The following KCNH8 variants were observed in gnomAD, a reference collection of about 807,000 sequenced individuals.
KCNH8 encodes voltage-gated delayed rectifier potassium channel KCNH8.
A neutral mutation model predicts 103.6 loss-of-function variants in KCNH8; 70 were observed. The ratio of observed to expected loss-of-function variants is 0.68; its 90% CI spans 0.56 to 0.82. The LOEUF (loss-of-function observed/expected upper bound fraction) is 0.82. Among genes scored for constraint, KCNH8 ranks in the 40% least tolerant of loss-of-function variants. KCNH8 has a pLI of 0.00. For synonymous variants in KCNH8, 498 were observed against 489.4 expected (o/e 1.02, Z -0.23); for missense variants, 1,217 against 1,329.9 (o/e 0.92, Z 1.32).
At chr3:19,312,676 A>G (rs541462462) in intron 3 of KCNH8, among the ~76,000 whole-genome samples, 1 of 151,976 alleles carries the variant, frequency 6.6e-6, no homozygotes, top group Non-Finnish European at 1.5e-5. Context: ...ATCTTGATCT[A>G]TATGGCTCTT....
chr3:19,533,339 GTGGTCAC>G, intron 15 of KCNH8, 49 bp from the exon 16 acceptor site: 1 of 1,019,652 alleles, frequency 9.8e-7, no homozygotes, highest in South Asian at 1.4e-5. Context: ...TCTCTGAAAT[GTGGTCAC>G]TACTATGCAC....
rs756494062 is a variant in KCNH8, at chr3:19,347,839, T to C, written c.685T>C (p.Leu229=). The change falls in exon 5 of 16, where the codon TTG becomes CTG. Residue 229 remains leucine (L), a synonymous_variant. Coordinates refer to ENST00000328405, the MANE Select transcript of KCNH8 (RefSeq NM_144633.3). The part of the protein sequence containing the change: ...TFKAGWDWLI[L]LATFYVAVTV... ...TAAAGCTGGCTGGGACTGGCTTATT[T>C]TGTTGGCAACGTTTTATGTTGCTGT... 2.5e-6 allele frequency: 4 copies of C among 1,613,426 alleles called. No homozygotes were observed. The highest frequency in any genetic ancestry group is 3.4e-6 in the Non-Finnish European group (4 of 1,179,506).
chr3:19,206,885 C>G (rs1323415095), intron 1 of KCNH8, among the ~76,000 whole-genome samples: 1 of 151,838 alleles, frequency 6.6e-6, no homozygotes, highest in Non-Finnish European at 1.5e-5. Context: ...TTGAGAGATA[C>G]TGGGATGGAA....
intron 10 of KCNH8, among the ~76,000 whole-genome samples, chr3:19,455,512 C>T (rs1044183268): frequency 2.6e-5 from 4 of 151,814 alleles, no homozygotes; most frequent in African/African-American, 9.7e-5. Flanking sequence ...ATACTGAGAC[C>T]CAAAGTTACT....
intron 5 of KCNH8, among the ~76,000 whole-genome samples, chr3:19,361,482 T>C (rs2065946318): frequency 6.6e-6 from 1 of 152,134 alleles, no homozygotes; most frequent in African/African-American, 2.4e-5. Context: ...ATGCTGTATT[T>C]TGAGGTTATT....
At chr3:19,514,287 A>C (rs2068836607) in intron 13 of KCNH8, among the ~76,000 whole-genome samples, 1 of 152,050 alleles carries the variant, frequency 6.6e-6, no homozygotes, top group African/African-American at 2.4e-5. Context: ...TAAAATATTA[A>C]GGAAAAGATA....
chr3:19,199,277 A>G (rs1323926465), intron 1 of KCNH8, among the ~76,000 whole-genome samples: 1 of 152,160 alleles, frequency 6.6e-6, no homozygotes, highest in East Asian at 1.9e-4. Context: ...CTTTTAGAAC[A>G]GTAAGTTCCA....
chr3:19,375,523 G>A (rs1194678416), intron 5 of KCNH8, among the ~76,000 whole-genome samples: 3 of 149,288 alleles, frequency 2.0e-5, no homozygotes, highest in African/African-American at 7.4e-5. Context: ...TTTTTTCAAA[G>A]TTTTCAACTT....
At chr3:19,449,018 G>A (rs1264016879) in intron 8 of KCNH8, 2 of 1,251,724 alleles carry the variant, frequency 1.6e-6, no homozygotes, top group African/African-American at 1.5e-5. Context: ...ACTAGTGAGT[G>A]CAAAATCCTG....
At chr3:19,270,461 A>G (rs1388111590) in intron 2 of KCNH8, among the ~76,000 whole-genome samples, 1 of 152,170 alleles carries the variant, frequency 6.6e-6, no homozygotes, top group Admixed American at 6.6e-5. Context: ...TTTTTCACAA[A>G]ACGATTTCTG....
In KCNH8 at chr3:19,438,165, T is replaced by A; in HGVS notation, c.1179T>A (p.Gly393=). 1.2e-6 allele frequency: 2 copies of A among 1,613,748 alleles called. No homozygotes were observed. Among genetic ancestry groups the A allele is most frequent in the Non-Finnish European group, 1.7e-6 (2 of 1,179,684 alleles). Residue 393 remains glycine, a splice_region_variant and synonymous_variant, in exon 8 of 16, where the codon GGT becomes GGA. Transcript: ENST00000328405. ...TTTGCTTTATTTCCTCCTTTGCAGGTTGGCTTCATGAGTTGGGAAAGAGAC... is the reference window on the plus strand; with the variant it reads ...TTTGCTTTATTTCCTCCTTTGCAGGATGGCTTCATGAGTTGGGAAAGAGAC... The part of the protein sequence containing the change: ...EDNSLLKWEV[G]WLHELGKRLE...
rs184110200 is a variant in KCNH8 at position 19,153,964 on chromosome 3, C to T, written c.76+5169C>T. On this transcript the variant is annotated intron_variant, in intron 1 of 15. Transcript: ENST00000328405. ...TTTTCTAATAATATTCAATGAATAC[C>T]AACTTTACACAAAGCCATCATGCTA... Among the ~76,000 whole-genome samples the T allele has an allele frequency of 2.7e-3, 407 of 152,166 alleles. 1 individual carries two copies. The highest frequency in any genetic ancestry group is 4.5e-3 in the Non-Finnish European group (304 of 67,982).
intron 1 of KCNH8, among the ~76,000 whole-genome samples, chr3:19,241,127 G>A (rs529061819): frequency 4.6e-5 from 7 of 152,102 alleles, no homozygotes; most frequent in African/African-American, 1.4e-4. Context: ...GTCTGTTTGC[G>A]TTTGTCTTTT....
chr3:19,158,548 A>G (rs2063203355), intron 1 of KCNH8, among the ~76,000 whole-genome samples: 1 of 151,880 alleles, frequency 6.6e-6, no homozygotes, highest in African/African-American at 2.4e-5. Flanking sequence ...TTGAACATTC[A>G]TATTCAAAAA....
intron 3 of KCNH8, among the ~76,000 whole-genome samples, chr3:19,311,247 T>C (rs964336403): frequency 2.0e-5 from 3 of 151,822 alleles, no homozygotes; most frequent in Non-Finnish European, 4.4e-5. Flanking sequence ...CTAAGTACTT[T>C]ATGGTTTTTA....
intron 5 of KCNH8, among the ~76,000 whole-genome samples, chr3:19,355,990 C>A (rs1383596654): frequency 1.3e-5 from 2 of 151,454 alleles, no homozygotes; most frequent in Admixed American, 1.3e-4. Flanking sequence ...AATTTGGCAT[C>A]TTATAATCAA....
intron 1 of KCNH8, among the ~76,000 whole-genome samples, chr3:19,151,207 T>G (rs2063125977): frequency 1.3e-5 from 2 of 152,162 alleles, no homozygotes; most frequent in Non-Finnish European, 2.9e-5. Context: ...TCTCTGAAAC[T>G]ATTTTCCTAT....
At chr3:19,410,304 C>G (rs2066757175) in intron 7 of KCNH8, among the ~76,000 whole-genome samples, 1 of 151,800 alleles carries the variant, frequency 6.6e-6, no homozygotes, top group South Asian at 2.1e-4. Context: ...TTTGGGTGAA[C>G]AAAGAATCAA....
chr3:19,404,037 T>C (rs1183869896), intron 7 of KCNH8, among the ~76,000 whole-genome samples: 2 of 151,960 alleles, frequency 1.3e-5, no homozygotes, highest in African/African-American at 4.8e-5. Flanking sequence ...TTTCAATTTC[T>C]TACTATGTGA....
Sources: gnomAD v4.1 joint callset for allele counts (sites outside exome capture counted in the v4.1 genomes callset) on GRCh38, gnomAD v4.1.1 for gene constraint, MANE v1.5 for transcripts, NCBI Gene and HGNC (gene_info 2026-07-23, HGNC 2026-07-21) for gene names.